The following RB1 variants were observed in gnomAD, a reference collection of about 807,000 sequenced individuals.
RB1 encodes retinoblastoma-associated protein.
RB1 carries 18 observed loss-of-function variants against 135.4 expected under a neutral mutation model. The observed-to-expected ratio is 0.13, with a 90% CI of 0.09 to 0.20. The LOEUF is 0.20. Ranked by LOEUF, RB1 falls within the 10% of genes least tolerant of loss-of-function variation. The pLI, the probability that RB1 is intolerant of heterozygous loss-of-function variation, is 1.00. For missense variants in RB1, 868 were observed against 1,110.0 expected, an observed-to-expected ratio of 0.78 and a Z score of 3.10; for synonymous variants, 365 against 373.2, an observed-to-expected ratio of 0.98 and a Z score of 0.25.
At chr13:48,420,250 G>A (rs974305361) in intron 17 of RB1, among the ~76,000 whole-genome samples, 10 of 152,100 alleles carry the variant, frequency 6.6e-5, no homozygotes, top group Non-Finnish European at 1.2e-4. Flanking sequence ...ATCAATAAAC[G>A]TAATCCATCA....
chr13:48,446,031 C>G (rs9595910), intron 17 of RB1, among the ~76,000 whole-genome samples: 9,004 of 152,224 alleles, frequency 0.059, 594 homozygotes, highest in African/African-American at 0.16. Flanking sequence ...GATCTCAGCT[C>G]ACTGCAACCT....
intron 20 of RB1, among the ~76,000 whole-genome samples, chr13:48,461,547 T>C (rs1216038149): frequency 1.3e-5 from 2 of 152,230 alleles, no homozygotes; most frequent in African/African-American, 4.8e-5. Context: ...TAATTCTATG[T>C]TAACTTTTTG....
chr13:48,381,865 G>A (rs904772773), intron 17 of RB1, among the ~76,000 whole-genome samples: 6 of 148,898 alleles, frequency 4.0e-5, no homozygotes, highest in Non-Finnish European at 7.4e-5. Flanking sequence ...CCCATGACAG[G>A]CCCCAGTGTG....
intron 18 of RB1, among the ~76,000 whole-genome samples, chr13:48,453,488 A>G (rs949372496): frequency 3.9e-5 from 6 of 152,204 alleles, no homozygotes; most frequent in Non-Finnish European, 8.8e-5. Context: ...TGTGCAGGTC[A>G]GTCCATTTGG....
At chr13:48,464,879 A>C in intron 21 of RB1, 119 bp from the exon 22 acceptor site, 1 of 1,127,006 alleles carries the variant, frequency 8.9e-7, no homozygotes, top group Non-Finnish European at 1.2e-6. Context: ...GCTTCTTACC[A>C]GTCAAAAAGT....
chr13:48,347,023 T>C (rs1183720236), intron 4 of RB1, among the ~76,000 whole-genome samples: 1 of 151,842 alleles, frequency 6.6e-6, no homozygotes, highest in Non-Finnish European at 1.5e-5. Context: ...ACAGTTCTGA[T>C]TTTTTTTCCT....
At chr13:48,329,459 G>A (rs58813203) in intron 2 of RB1, among the ~76,000 whole-genome samples, 2,188 of 152,232 alleles carry the variant, frequency 0.014, 55 homozygotes, top group African/African-American at 0.049. Context: ...ACTATACTGC[G>A]TTGAATTTTA....
At chr13:48,381,482 A>G (rs1948535944) in intron 17 of RB1, 39 bp downstream of exon 17, 3 of 1,585,564 alleles carry the variant, frequency 1.9e-6, no homozygotes, top group Non-Finnish European at 2.6e-6. Context: ...ATTCATGTGC[A>G]TATGGCTAAC....
intron 2 of RB1, among the ~76,000 whole-genome samples, chr13:48,313,023 A>G (rs1407637256): frequency 6.6e-6 from 1 of 152,178 alleles, no homozygotes; most frequent in Non-Finnish European, 1.5e-5. Flanking sequence ...GTAGTTCTTC[A>G]TGGTCTGTGC....
chr13:48,398,498 GT>G (rs1948665525), intron 17 of RB1, among the ~76,000 whole-genome samples: 1 of 151,634 alleles, frequency 6.6e-6, no homozygotes, highest in South Asian at 2.1e-4. Context: ...TTTCTCAATA[GT>G]TTGATAGAGT....
intron 2 of RB1, among the ~76,000 whole-genome samples, chr13:48,325,962 A>G (rs565320038): frequency 8.7e-4 from 133 of 152,254 alleles, no homozygotes; most frequent in Non-Finnish European, 1.6e-3. Context: ...ATCTCACTTT[A>G]CCAAAGAGGC....
Position 48,421,237 on chromosome 13 carries a change from A to G in RB1, c.1696-31756A>G, listed in dbSNP as rs541117230. On this transcript the variant is annotated intron_variant, in intron 17 of 26. Transcript: ENST00000267163. ...GCCTCAGAAATAATGCCACACATCT[A>G]CAACCATCTCATCTTTGACAAAGAT... 5.3e-5 allele frequency among the ~76,000 whole-genome samples: 8 copies of G among 152,316 alleles called. No homozygotes were observed. In the South Asian group the frequency reaches 6.2e-4, roughly 12 times the overall value.
intron 17 of RB1, among the ~76,000 whole-genome samples, chr13:48,432,842 CAG>C (rs1949144307): frequency 1.3e-5 from 2 of 151,884 alleles, no homozygotes; most frequent in Non-Finnish European, 2.9e-5. Context: ...TTATAAGAGA[CAG>C]AATAAAATTA....
At chr13:48,394,630 G>A (rs975504598) in intron 17 of RB1, among the ~76,000 whole-genome samples, 27 of 152,270 alleles carry the variant, frequency 1.8e-4, no homozygotes, top group African/African-American at 6.5e-4. Flanking sequence ...AAGCCACCAG[G>A]AAGTTCAAAC....
At chr13:48,374,554 C>G (rs1952799237) in intron 12 of RB1, among the ~76,000 whole-genome samples, 2 of 152,166 alleles carry the variant, frequency 1.3e-5, no homozygotes, top group Admixed American at 1.3e-4. Context: ...TGTTTTGGCT[C>G]AGAATTGATT....
chr13:48,435,573 T>A lies in RB1; in HGVS notation c.1696-17420T>A, dbSNP rs534300336. Among the ~76,000 whole-genome samples, 13 of 152,332 alleles carry A rather than the reference T, an allele frequency of 8.5e-5. No individual in the cohort carries two copies. The East Asian group carries it at 2.5e-3, about 29-fold the overall frequency. Reference sequence around the variant, plus strand: ...CTCATCCAAAAGTTTTTAATTTTCATAAAGTCCAGTTTATCACTTTTTCCT... The same window carrying A: ...CTCATCCAAAAGTTTTTAATTTTCAAAAAGTCCAGTTTATCACTTTTTCCT... On this transcript the variant is annotated intron_variant, in intron 17 of 26. Transcript: ENST00000267163.
chr13:48,380,700 A>G (rs1442251477), intron 16 of RB1, among the ~76,000 whole-genome samples: 3 of 152,202 alleles, frequency 2.0e-5, no homozygotes, highest in Non-Finnish European at 2.9e-5. Flanking sequence ...TTTGCAAATT[A>G]TGTTGCAAAT....
chr13:48,461,505 A>C (rs1949404919), intron 20 of RB1, among the ~76,000 whole-genome samples: 1 of 152,190 alleles, frequency 6.6e-6, no homozygotes, highest in African/African-American at 2.4e-5. Flanking sequence ...TCCTAGGTAC[A>C]TACCTAGGAG....
chr13:48,361,267 C>CT (rs1279765006), intron 7 of RB1, among the ~76,000 whole-genome samples: 5 of 152,054 alleles, frequency 3.3e-5, no homozygotes, highest in African/African-American at 1.2e-4. Context: ...TGTGAATTCT[C>CT]TAAGTGCTCT....
Sources: gnomAD v4.1 joint callset for allele counts (sites outside exome capture counted in the v4.1 genomes callset) on GRCh38, gnomAD v4.1.1 for gene constraint, MANE v1.5 for transcripts, NCBI Gene and HGNC (gene_info 2026-07-23, HGNC 2026-07-21) for gene names.